CBLB: variants seen among roughly 807,000 people sequenced by gnomAD.
The protein encoded by CBLB is E3 ubiquitin-protein ligase CBL-B.
In CBLB, 31 loss-of-function variants were observed where a neutral mutation model predicts 104.9. The observed-to-expected ratio is 0.30, with a 90% CI of 0.22 to 0.40. The LOEUF (loss-of-function observed/expected upper bound fraction) is 0.40. Among genes scored for constraint, CBLB ranks in the 10% least tolerant of loss-of-function variants. The pLI is 1.00. For synonymous variants in CBLB, 440 were observed against 422.6 expected, an observed-to-expected ratio of 1.04 and a Z score of -0.51; for missense variants, 1,062 against 1,214.6, an observed-to-expected ratio of 0.87 and a Z score of 1.87.
rs371546157 is a variant in CBLB at position 105,867,581 on chromosome 3, G to A, written c.-4C>T. On this transcript the variant is annotated 5_prime_UTR_variant, in exon 2 of 19. Transcript: ENST00000394030. Reference sequence around the variant, plus strand: ...TGCCATTCATTGAGTTTGCCATCTGGAATTTTAGTTCTTTAAAAGGCAGAT... The same window carrying A: ...TGCCATTCATTGAGTTTGCCATCTGAAATTTTAGTTCTTTAAAAGGCAGAT... 1.4e-5 allele frequency: 23 copies of A among 1,613,886 alleles called. No individual in the cohort carries two copies. Among genetic ancestry groups the A allele is most frequent in the Admixed American group, 3.3e-5 (2 of 59,998 alleles).
intron 10 of CBLB, among the ~76,000 whole-genome samples, chr3:105,713,501 T>A (rs535287436): frequency 6.6e-6 from 1 of 152,056 alleles, no homozygotes; most frequent in African/African-American, 2.4e-5. Flanking sequence ...GAGCTGACAA[T>A]CTACCTGAGG....
intron 13 of CBLB, among the ~76,000 whole-genome samples, chr3:105,686,174 C>T (rs1309110354): frequency 6.6e-6 from 1 of 152,146 alleles, no homozygotes; most frequent in Non-Finnish European, 1.5e-5. Flanking sequence ...AAACATTAAG[C>T]ATTTCACTTA....
At position 105,656,347 on chromosome 3, in the gene CBLB, T is replaced by C. The variant is rs547827193; in HGVS notation, c.*2623A>G. The C allele has an allele frequency of 4.4e-5, 9 of 203,280 alleles. No individual in the cohort carries two copies. In the South Asian group the frequency reaches 7.6e-4, roughly 17 times the overall value. 12.6% of individuals were successfully genotyped at this position (203,280 alleles called of 1,614,324 possible). On this transcript the variant is annotated 3_prime_UTR_variant, in exon 19 of 19. Coordinates refer to ENST00000394030, the MANE Select transcript of CBLB (RefSeq NM_170662.5). ...GAATGTCTAACTTTTTGGATCACAG[T>C]GAAACAAAGTCTGGATCACTTCCAG...
At chr3:105,760,559 G>A (rs1225889926) in intron 4 of CBLB, among the ~76,000 whole-genome samples, 2 of 151,996 alleles carry the variant, frequency 1.3e-5, no homozygotes, top group African/African-American at 4.8e-5. Flanking sequence ...CTACCAAAGA[G>A]AGGTTTAAGT....
At chr3:105,734,469 A>ATAT (rs1252132718) in intron 8 of CBLB, among the ~76,000 whole-genome samples, 3 of 152,224 alleles carry the variant, frequency 2.0e-5, no homozygotes, top group Non-Finnish European at 4.4e-5. Context: ...TTAAAATAGG[A>ATAT]ATATAAAATG....
chr3:105,729,897 AC>A (rs1326946660), intron 9 of CBLB, among the ~76,000 whole-genome samples: 10 of 152,152 alleles, frequency 6.6e-5, no homozygotes, highest in Non-Finnish European at 1.2e-4. Flanking sequence ...ATGCAATAAT[AC>A]AAAAGCTGCC....
chr3:105,715,714 C>T (rs1458684356), intron 10 of CBLB, among the ~76,000 whole-genome samples: 1 of 152,112 alleles, frequency 6.6e-6, no homozygotes, highest in East Asian at 1.9e-4. Flanking sequence ...ACTCTTTTAA[C>T]TGAGAGAATA....
In CBLB at chr3:105,657,768, TGA is replaced by T. The variant is rs760145316; in HGVS notation, c.*1200_*1201del. ...TGATAAAGCAGTGTGGAGCAATGAA[TGA>T]GAGAATCTGCAAATTAAATATGAAC... On this transcript the variant is annotated 3_prime_UTR_variant, in exon 19 of 19. Coordinates refer to ENST00000394030, the MANE Select transcript of CBLB (RefSeq NM_170662.5). 4.9e-6 allele frequency: 1 copy of T among 205,746 alleles called. No homozygotes were observed. The highest frequency in any genetic ancestry group is 9.9e-6 in the Non-Finnish European group (1 of 100,650). 12.7% of individuals were successfully genotyped at this position (205,746 alleles called of 1,614,324 possible).
intron 2 of CBLB, among the ~76,000 whole-genome samples, chr3:105,862,776 C>G (rs993394795): frequency 6.6e-6 from 1 of 152,100 alleles, no homozygotes; most frequent in Admixed American, 6.6e-5. Flanking sequence ...CTTCCCCTCT[C>G]TTACTCAACA....
intron 9 of CBLB, among the ~76,000 whole-genome samples, chr3:105,727,536 A>C (rs2073818879): frequency 6.6e-6 from 1 of 152,046 alleles, no homozygotes; most frequent in Non-Finnish European, 1.5e-5. Context: ...TGCTGTACAG[A>C]AGCTCTTTAA....
At chr3:105,665,093 T>A (rs1056776064) in intron 18 of CBLB, among the ~76,000 whole-genome samples, 15 of 152,148 alleles carry the variant, frequency 9.9e-5, no homozygotes, top group Non-Finnish European at 1.9e-4. Context: ...CTTTCTTCTA[T>A]AAATTGACAT....
rs530064413 is a variant in CBLB at position 105,820,326 on chromosome 3, C to T, written c.419+33088G>A. On this transcript the variant is annotated intron_variant, in intron 3 of 18. Coordinates refer to ENST00000394030, the MANE Select transcript of CBLB (RefSeq NM_170662.5). ...CGCCCACCACTTGCTTCATGCTGTA[C>T]GTCCAGTTCCTGATATCGGTATCGG... Among the ~76,000 whole-genome samples the T allele has an allele frequency of 5.3e-5, 8 of 152,286 alleles. No homozygotes were observed. In the South Asian group the frequency reaches 1.2e-3, roughly 24 times the overall value.
intron 3 of CBLB, among the ~76,000 whole-genome samples, chr3:105,829,730 G>A (rs1430525793): frequency 7.4e-6 from 1 of 135,638 alleles, no homozygotes; most frequent in Non-Finnish European, 1.6e-5. Context: ...CATAATAATG[G>A]AGGAAGATTT....
chr3:105,737,980 G>C (rs2075135496), intron 7 of CBLB, among the ~76,000 whole-genome samples: 1 of 152,164 alleles, frequency 6.6e-6, no homozygotes, highest in Admixed American at 6.5e-5. Context: ...CATTCTTGCT[G>C]TGTTAAATCA....
At chr3:105,734,831 C>T (rs1386456824) in intron 8 of CBLB, among the ~76,000 whole-genome samples, 1 of 152,144 alleles carries the variant, frequency 6.6e-6, no homozygotes, top group Non-Finnish European at 1.5e-5. Context: ...ACTTCAGTAA[C>T]CAAAAACCAT....
chr3:105,771,030 C>G (rs1348769315), intron 4 of CBLB, among the ~76,000 whole-genome samples: 2 of 152,164 alleles, frequency 1.3e-5, no homozygotes, highest in Non-Finnish European at 2.9e-5. Flanking sequence ...AAGAGGGAAT[C>G]CTCCGTAAAT....
At chr3:105,719,361 G>C (rs1360203750) in intron 10 of CBLB, among the ~76,000 whole-genome samples, 2 of 152,124 alleles carry the variant, frequency 1.3e-5, no homozygotes, top group Non-Finnish European at 2.9e-5. Context: ...AGAGTACCTT[G>C]AGGAGAATCT....
At chr3:105,758,042 T>C (rs765363863) in intron 4 of CBLB, among the ~76,000 whole-genome samples, 1 of 152,222 alleles carries the variant, frequency 6.6e-6, no homozygotes, top group Non-Finnish European at 1.5e-5. Context: ...ATATTAGCGC[T>C]GTGATTCCTA....
intron 3 of CBLB, among the ~76,000 whole-genome samples, chr3:105,843,834 A>C (rs1454656406): frequency 6.6e-6 from 1 of 152,130 alleles, no homozygotes; most frequent in Non-Finnish European, 1.5e-5. Flanking sequence ...CCTCCATGAC[A>C]TGTTCTAATG....
Sources: gnomAD v4.1 joint callset for allele counts (sites outside exome capture counted in the v4.1 genomes callset) on GRCh38, gnomAD v4.1.1 for gene constraint, MANE v1.5 for transcripts, NCBI Gene and HGNC (gene_info 2026-07-23, HGNC 2026-07-21) for gene names.